The following LRRC37A2 variants were observed in gnomAD, a reference collection of about 807,000 sequenced individuals.
LRRC37A2 encodes the protein leucine-rich repeat-containing protein 37A2.
LRRC37A2 carries 9 observed loss-of-function variants against 68.8 expected under a neutral mutation model. The ratio of observed to expected loss-of-function variants is 0.13; its 90% CI spans 0.08 to 0.23. The LOEUF is 0.23. LRRC37A2 is among the 10% of genes least tolerant of loss of function. LRRC37A2 has a pLI of 1.00. For missense variants in LRRC37A2, 168 were observed against 950.4 expected (o/e 0.18, Z 10.82); for synonymous variants, 63 against 367.6 (o/e 0.17, Z 9.48).
chr17:46,827,525 C>A, the LRRC37A2 span, among the ~76,000 whole-genome samples: 1 of 152,196 alleles, frequency 6.6e-6, no homozygotes. Context: ...AACTTCATCT[C>A]TGACACCATT....
At chr17:46,839,957 TTTCTTTCTTTC>T in the LRRC37A2 span, among the ~76,000 whole-genome samples, 46 of 142,398 alleles carry the variant, frequency 3.2e-4, no homozygotes, top group Middle Eastern at 3.6e-3. Flanking sequence ...TCTTTCTTTC[TTTCTTTCTTTC>T]TTTCTTTCTC....
chr17:46,896,418 GAA>G, the LRRC37A2 span, among the ~76,000 whole-genome samples: 2 of 89,214 alleles, frequency 2.2e-5, no homozygotes, highest in Admixed American at 1.1e-4. Context: ...AAGAAAGAAA[GAA>G]AGAAAGAAAG....
the LRRC37A2 span, among the ~76,000 whole-genome samples, chr17:46,780,645 A>G: frequency 2.6e-5 from 4 of 152,176 alleles, no homozygotes; most frequent in Non-Finnish European, 2.9e-5. Context: ...GCGTGGTGGC[A>G]GGCGCCTGTA....
At chr17:47,022,849 T>G in the LRRC37A2 span, among the ~76,000 whole-genome samples, 1 of 152,254 alleles carries the variant, frequency 6.6e-6, no homozygotes, top group African/African-American at 2.4e-5. Context: ...TGCTTAGTTT[T>G]CTTGTTACAT....
chr17:47,029,060 T>C, the LRRC37A2 span, among the ~76,000 whole-genome samples: 3 of 152,096 alleles, frequency 2.0e-5, no homozygotes, highest in Admixed American at 2.0e-4. Context: ...GCGCCTGTGA[T>C]CCTAGCTATC....
the LRRC37A2 span, among the ~76,000 whole-genome samples, chr17:46,876,070 C>T: frequency 6.6e-6 from 1 of 152,148 alleles, no homozygotes. Flanking sequence ...TGTGTTCAGT[C>T]GCGTAAGTTG....
the LRRC37A2 span, among the ~76,000 whole-genome samples, chr17:46,900,216 CACACATATATATATATAT>C: frequency 1.6e-5 from 2 of 126,910 alleles, no homozygotes; most frequent in African/African-American, 3.9e-5. Flanking sequence ...CACACACACA[CACACATATATATATATAT>C]ACACACATAT....
the LRRC37A2 span, among the ~76,000 whole-genome samples, chr17:46,996,367 C>T: frequency 2.6e-5 from 4 of 152,208 alleles, no homozygotes; most frequent in African/African-American, 9.7e-5. Flanking sequence ...GAACATCAGG[C>T]CCAACCAGCC....
the LRRC37A2 span, among the ~76,000 whole-genome samples, chr17:46,784,360 G>A: frequency 6.6e-6 from 1 of 152,208 alleles, no homozygotes; most frequent in African/African-American, 2.4e-5. Context: ...TAGAGACAGA[G>A]CTGGGCCCAA....
the LRRC37A2 span, among the ~76,000 whole-genome samples, chr17:46,500,762 A>G: frequency 6.6e-6 from 1 of 151,118 alleles, no homozygotes; most frequent in African/African-American, 2.5e-5. Context: ...TAACTTCTGG[A>G]ATTTCATCTA....
chr17:46,487,250 G>A, the LRRC37A2 span: 7,199 of 316,256 alleles, frequency 0.023, 208 homozygotes, highest in East Asian at 0.081. Context: ...AGCATATGCA[G>A]TTTCATAAAA....
the LRRC37A2 span, chr17:46,923,383 C>T: frequency 6.8e-7 from 1 of 1,465,516 alleles, no homozygotes; most frequent in Middle Eastern, 1.8e-4. Flanking sequence ...TGGCGGGACT[C>T]CCAGGTCAGC....
the LRRC37A2 span, among the ~76,000 whole-genome samples, chr17:46,881,957 A>G: frequency 2.0e-5 from 3 of 152,182 alleles, no homozygotes; most frequent in Admixed American, 1.3e-4. Flanking sequence ...TACATAGTCC[A>G]TATTCAGACT....
chr17:47,000,039 A>ATAAAATAAAATAAAATAAAAT, the LRRC37A2 span, among the ~76,000 whole-genome samples: 31 of 25,794 alleles, frequency 1.2e-3, no homozygotes, highest in African/African-American at 2.2e-3. Context: ...AAAATAAAAT[A>ATAAAATAAAATAAAATAAAAT]AAATAAAATA....
chr17:46,778,800 G>A, the LRRC37A2 span, among the ~76,000 whole-genome samples: 188 of 151,982 alleles, frequency 1.2e-3, 1 homozygote, highest in South Asian at 8.5e-3. Flanking sequence ...TCCACTGCCC[G>A]GCCCCCGGCA....
At chr17:46,456,210 ATGTGTGTGTGTGTG>A in the LRRC37A2 span, among the ~76,000 whole-genome samples, 5 of 90,664 alleles carry the variant, frequency 5.5e-5, 1 homozygote, top group Non-Finnish European at 9.4e-5. Context: ...TCCATGGGAT[ATGTGTGTGTGTGTG>A]TGTGTGTGTG....
the LRRC37A2 span, among the ~76,000 whole-genome samples, chr17:46,723,426 C>A: frequency 6.6e-6 from 1 of 152,144 alleles, no homozygotes; most frequent in African/African-American, 2.4e-5. Flanking sequence ...AGCAAAGAAC[C>A]GCTGTAGAAC....
chr17:46,568,516 G>T, the LRRC37A2 span, among the ~76,000 whole-genome samples: 10 of 114,766 alleles, frequency 8.7e-5, no homozygotes, highest in Admixed American at 6.0e-4. Context: ...AAAAAAAGAG[G>T]GGGGGAGGCC....
chr17:46,980,347 C>T, the LRRC37A2 span, among the ~76,000 whole-genome samples: 1 of 89,606 alleles, frequency 1.1e-5, no homozygotes, highest in Admixed American at 1.0e-4. Flanking sequence ...TTCTCTCCTT[C>T]CTTCCTTCTT....
Sources: allele counts gnomAD v4.1 joint callset (sites outside exome capture counted in the v4.1 genomes callset), GRCh38; gene constraint gnomAD v4.1.1; transcripts MANE v1.5; gene names NCBI Gene and HGNC (gene_info 2026-07-23, HGNC 2026-07-21).